Variants in HMOX1 observed in about 807,000 individuals in gnomAD.
HMOX1 encodes heme oxygenase 1, also known as heat shock protein, 32-kD.
In HMOX1, 22 loss-of-function variants were observed where a neutral mutation model predicts 27.8. The ratio of observed to expected loss-of-function variants is 0.79; its 90% CI spans 0.57 to 1.13. HMOX1 has a LOEUF of 1.13. HMOX1 is among the 50% of genes most tolerant of loss of function. The probability of loss-of-function intolerance (pLI) is 0.00; values close to 1 mark genes in which losing one functional copy is unlikely to be tolerated. For synonymous variants in HMOX1, 153 were observed against 151.6 expected, an observed-to-expected ratio of 1.01 and a Z score of -0.07; for missense variants, 379 against 377.7, an observed-to-expected ratio of 1.00 and a Z score of -0.03.
At chr22:35,386,540 G>A (rs978463269) in intron 2 of HMOX1, 145 bp from the exon 3 acceptor site, 2 of 971,038 alleles carry the variant, frequency 2.1e-6, no homozygotes, top group Admixed American at 4.0e-5. Flanking sequence ...GCTGTGTGAA[G>A]AGGATTGTAG....
intron 3 of HMOX1, among the ~76,000 whole-genome samples, chr22:35,389,290 TTCTTTC>T: frequency 1.7e-5 from 1 of 60,568 alleles, no homozygotes; most frequent in South Asian, 7.2e-4. Flanking sequence ...TCTCTCTCTC[TTCTTTC>T]TTCTTTCTTT....
At chr22:35,385,609 C>CTTT (rs71191362) in intron 2 of HMOX1, among the ~76,000 whole-genome samples, 22 of 94,186 alleles carry the variant, frequency 2.3e-4, no homozygotes, top group Admixed American at 3.5e-4. Flanking sequence ...CCATACCTGG[C>CTTT]TTTTTTTTTT....
chr22:35,392,991 C>T (rs1601745487), intron 4 of HMOX1, among the ~76,000 whole-genome samples: 1 of 152,196 alleles, frequency 6.6e-6, no homozygotes, highest in Non-Finnish European at 1.5e-5. Flanking sequence ...GCTGGGATTA[C>T]AGGCGTGAGC....
At chr22:35,387,230 G>C in intron 3 of HMOX1, 54 bp downstream of exon 3, 1 of 1,608,032 alleles carries the variant, frequency 6.2e-7, no homozygotes, top group Non-Finnish European at 8.5e-7. Context: ...GTTCCTCCAA[G>C]GGACCCTTCT....
chr22:35,386,559 G>A (rs1931507251), intron 2 of HMOX1, 126 bp from the exon 3 acceptor site: 3 of 1,143,582 alleles, frequency 2.6e-6, no homozygotes, highest in East Asian at 5.0e-5. Context: ...AGCGAGGGGT[G>A]GCAGAAGGAG....
intron 3 of HMOX1, among the ~76,000 whole-genome samples, chr22:35,388,049 A>C (rs1432180139): frequency 6.6e-6 from 1 of 152,004 alleles, no homozygotes; most frequent in African/African-American, 2.4e-5. Context: ...GGATTGCTTG[A>C]GCTCAGGAGT....
In HMOX1 at chr22:35,393,774, C is replaced by T; in HGVS notation, c.*176C>T. 1.3e-6 allele frequency: 1 copy of T among 781,874 alleles called. No individual in the cohort carries two copies. Among genetic ancestry groups the T allele is most frequent in the Non-Finnish European group, 2.2e-6 (1 of 463,864 alleles). 48.4% of individuals were successfully genotyped at this position (781,874 alleles called of 1,614,324 possible). A position where few individuals can be genotyped will look rare whatever the true frequency, so the allele number is the denominator to read the frequency against. On this transcript the variant is annotated 3_prime_UTR_variant, in exon 5 of 5. Transcript: ENST00000216117. ...GGAGGAAGGAGCCTATGGCATCTTC[C>T]CCAACGAAAAGCACATCCAGGCAAT...
intron 3 of HMOX1, among the ~76,000 whole-genome samples, chr22:35,388,754 G>A (rs189230684): frequency 2.3e-4 from 35 of 150,610 alleles, no homozygotes; most frequent in East Asian, 2.2e-3. Flanking sequence ...CAGAGATCGC[G>A]CCACTGCACT....
At chr22:35,391,717 CTGAG>C (rs1255726437) in intron 4 of HMOX1, among the ~76,000 whole-genome samples, 2 of 150,808 alleles carry the variant, frequency 1.3e-5, no homozygotes, top group Non-Finnish European at 2.9e-5. Context: ...CCTCAGCCTC[CTGAG>C]TAACTGGGAC....
At chr22:35,393,086 C>T (rs1171308105) in intron 4 of HMOX1, among the ~76,000 whole-genome samples, 1 of 152,180 alleles carries the variant, frequency 6.6e-6, no homozygotes, top group African/African-American at 2.4e-5. Context: ...CTTTCTAGCT[C>T]CTGCCCCATC....
At chr22:35,384,182 A>G (rs1931452943) in intron 2 of HMOX1, among the ~76,000 whole-genome samples, 1 of 151,952 alleles carries the variant, frequency 6.6e-6, no homozygotes, top group African/African-American at 2.4e-5. Context: ...CCTAAGTTCA[A>G]GCGATTCTCC....
At chr22:35,390,244 T>C (rs1931680516) in intron 4 of HMOX1, 2 of 455,520 alleles carry the variant, frequency 4.4e-6, no homozygotes, top group South Asian at 4.1e-5. Context: ...GTTGTTGTTG[T>C]TGTTTGAGAT....
Position 35,389,971 on chromosome 22 carries a change from C to T in HMOX1, c.736+8C>T, listed in dbSNP as rs1398990243. 1.0e-5 allele frequency: 16 copies of T among 1,598,160 alleles called. No individual in the cohort carries two copies. Among genetic ancestry groups the T allele is most frequent in the Non-Finnish European group, 1.4e-5 (16 of 1,169,578 alleles). ...CCAGCAACAAAGTGCAAGGTGAGAG[C>T]ATCCAGGAAGGGGCACTTCCTCTGG... On this transcript the variant is annotated splice_region_variant and intron_variant, in intron 4 of 4. Coordinates refer to ENST00000216117, the MANE Select transcript of HMOX1 (RefSeq NM_002133.3).
At position 35,394,193 on chromosome 22, in the gene HMOX1, C is replaced by G. The variant is rs1052795368; in HGVS notation, c.*595C>G. 5.8e-6 allele frequency: 1 copy of G among 171,358 alleles called. No individual in the cohort carries two copies. The highest frequency in any genetic ancestry group is 5.5e-5 in the Admixed American group (1 of 18,314). The allele number at this position is 171,358 out of a possible 1,614,324, so 10.6% of individuals were successfully genotyped here. A position where few individuals can be genotyped will look rare whatever the true frequency, so the allele number is the denominator to read the frequency against. ...AACTTTTGTGTGAAATAATAAACAA[C>G]ATTGTCTGATAGTAGCTTGAAGTAG... On this transcript the variant is annotated 3_prime_UTR_variant, in exon 5 of 5. Transcript: ENST00000216117.
chr22:35,391,110 C>T (rs1931706429), intron 4 of HMOX1, among the ~76,000 whole-genome samples: 1 of 152,070 alleles, frequency 6.6e-6, no homozygotes, highest in Non-Finnish European at 1.5e-5. Flanking sequence ...ACCACACGGA[C>T]CCCTCTGCTA....
intron 4 of HMOX1, among the ~76,000 whole-genome samples, chr22:35,392,796 C>G (rs1422475605): frequency 2.0e-5 from 3 of 151,298 alleles, no homozygotes; most frequent in Non-Finnish European, 4.4e-5. Context: ...TGGCTCACTG[C>G]AACCTCTGCC....
intron 2 of HMOX1, among the ~76,000 whole-genome samples, chr22:35,385,763 C>T (rs1299154933): frequency 1.3e-5 from 2 of 151,514 alleles, no homozygotes; most frequent in African/African-American, 4.9e-5. Flanking sequence ...TTATAGGTGC[C>T]TGCCACCATG....
chr22:35,389,745 T>A (rs778640959), intron 3 of HMOX1, 119 bp from the exon 4 acceptor site: 2 of 784,304 alleles, frequency 2.6e-6, no homozygotes, highest in Non-Finnish European at 4.4e-6. Context: ...CCGGCCAATA[T>A]TTTTCTTACC....
Position 35,381,109 on chromosome 22 carries a change from T to C in HMOX1, c.-65T>C, listed in dbSNP as rs1332625195. 4 of 1,532,290 alleles carry C rather than the reference T, an allele frequency of 2.6e-6. No individual in the cohort carries two copies. In the African/African-American group the frequency reaches 4.1e-5, roughly 16 times the overall value. 94.9% of individuals were successfully genotyped at this position (1,532,290 alleles called of 1,614,324 possible). A position where few individuals can be genotyped will look rare whatever the true frequency, so the allele number is the denominator to read the frequency against. On this transcript the variant is annotated 5_prime_UTR_variant, in exon 1 of 5. Coordinates refer to ENST00000216117, the MANE Select transcript of HMOX1 (RefSeq NM_002133.3). Reference sequence around the variant, plus strand: ...GCTCCGGCAGTCAACGCCTGCCTCCTCTCGAGCGTCCTCAGCGCAGCCGCC... The same window carrying C: ...GCTCCGGCAGTCAACGCCTGCCTCCCCTCGAGCGTCCTCAGCGCAGCCGCC...
Sources: gnomAD v4.1 joint callset for allele counts (sites outside exome capture counted in the v4.1 genomes callset) on GRCh38, gnomAD v4.1.1 for gene constraint, MANE v1.5 for transcripts, NCBI Gene and HGNC (gene_info 2026-07-23, HGNC 2026-07-21) for gene names.